The following PIEZO2 variants were observed in gnomAD, a reference collection of about 807,000 sequenced individuals.
The protein encoded by PIEZO2 is piezo-type mechanosensitive ion channel component 2.
Under a neutral mutation model 337.3 loss-of-function variants are expected in PIEZO2, and 172 were observed. That is an observed-to-expected ratio of 0.51 (90% CI 0.45 to 0.58). PIEZO2 has a LOEUF of 0.58. PIEZO2 is among the 20% of genes least tolerant of loss of function. PIEZO2 has a pLI of 0.00. For synonymous variants in PIEZO2, 1,251 were observed against 1,228.5 expected (o/e 1.02, Z -0.38); for missense variants, 3,028 against 3,391.3 (o/e 0.89, Z 2.66).
At chr18:10,753,207 A>C (rs1348275435) in intron 27 of PIEZO2, among the ~76,000 whole-genome samples, 1 of 152,236 alleles carries the variant, frequency 6.6e-6, no homozygotes, top group Non-Finnish European at 1.5e-5. Context: ...TGGCAAAAGA[A>C]ATTCTAAGAT....
At chr18:10,957,137 G>A (rs536202356) in intron 3 of PIEZO2, among the ~76,000 whole-genome samples, 3 of 152,032 alleles carry the variant, frequency 2.0e-5, no homozygotes, top group East Asian at 3.9e-4. Context: ...AGTGGCTCAC[G>A]CCTGTAATCC....
At chr18:10,866,346 C>T (rs1360518482) in intron 5 of PIEZO2, among the ~76,000 whole-genome samples, 2 of 150,082 alleles carry the variant, frequency 1.3e-5, no homozygotes, top group African/African-American at 4.9e-5. Context: ...AGTGCAGTGG[C>T]GTGACCTTGG....
chr18:10,740,244 T>C (rs2037165612), intron 33 of PIEZO2: 1 of 152,342 alleles, frequency 6.6e-6, no homozygotes, highest in Non-Finnish European at 1.5e-5. Context: ...ATATAGCCAC[T>C]GAGTTCCAGA....
chr18:11,102,668 G>C lies in PIEZO2; in HGVS notation c.65-36446C>G, dbSNP rs1477199708. Among the ~76,000 whole-genome samples, 4 of 152,172 alleles carry C rather than the reference G, an allele frequency of 2.6e-5. No individual in the cohort carries two copies. The highest frequency in any genetic ancestry group is 7.2e-5 in the African/African-American group (3 of 41,450). Reference sequence around the variant, plus strand: ...CTTCCCATTGGGCCCCCAGTGATCTGTCTCCAGAGGGAAAGGCACTGCCCC... The same window carrying C: ...CTTCCCATTGGGCCCCCAGTGATCTCTCTCCAGAGGGAAAGGCACTGCCCC... On this transcript the variant is annotated intron_variant, in intron 1 of 55. Transcript: ENST00000674853. The surrounding 1 kb of genome is among the most constrained non-coding windows in gnomAD (Gnocchi z 5.7).
rs754692905 is a variant in PIEZO2 at position 10,863,306 on chromosome 18, C to T, written c.493-6095G>A. Among the ~76,000 whole-genome samples, 1 of 152,290 alleles carries T rather than the reference C, an allele frequency of 6.6e-6. No homozygotes were observed. Among genetic ancestry groups the T allele is most frequent in the Non-Finnish European group, 1.5e-5 (1 of 68,022 alleles). On this transcript the variant is annotated intron_variant, in intron 5 of 55. Transcript: ENST00000674853. The surrounding 1 kb of genome is among the most constrained non-coding windows in gnomAD (Gnocchi z 4.3). ...AAAAAAAGATAGATGTGTTTGAATG[C>T]TATTGTGTGTACCTTATGCAAGCCT...
chr18:10,864,500 T>A (rs780923671), intron 5 of PIEZO2, among the ~76,000 whole-genome samples: 1 of 152,176 alleles, frequency 6.6e-6, no homozygotes, highest in Admixed American at 6.5e-5. Flanking sequence ...GTGATTTTTT[T>A]AAAAAAGGAC....
chr18:10,812,112 C>T lies in PIEZO2; in HGVS notation c.918-4838G>A, dbSNP rs1318543446. Among the ~76,000 whole-genome samples, 8 of 152,182 alleles carry T rather than the reference C, an allele frequency of 5.3e-5. 1 individual carries two copies. The highest frequency in any genetic ancestry group is 5.2e-4 in the Admixed American group (8 of 15,282). ...CTTCCCAAAGTGCTGGGATTACAGG[C>T]GTGAGCCACTGCGCCCGGCCAACAC... On this transcript the variant is annotated intron_variant, in intron 7 of 55. Transcript: ENST00000674853.
rs10164010 is a variant in PIEZO2 at position 10,677,070 on chromosome 18, A to C, written c.8081+677T>G. ...GCCCCAAAATGGGTCCCAATAGCTG[A>C]GGGAGACAGCCACTCTGCAGACTGA... On this transcript the variant is annotated intron_variant, in intron 53 of 55. Transcript: ENST00000674853. This position sits in a 1 kb window ranked among gnomAD's most constrained non-coding sequence, Gnocchi z 4.1. Among the ~76,000 whole-genome samples the C allele has an allele frequency of 0.019, 2,896 of 152,262 alleles. 98 individuals carry two copies. Among genetic ancestry groups the C allele is most frequent in the African/African-American group, 0.064 (2,657 of 41,538 alleles).
chr18:10,726,304 A>G lies in PIEZO2; in HGVS notation c.5029+5103T>C. ...AAGCGTCGCGGCCAGAGCCCCGGCC[A>G]GGTGGAGCAGGTGGGTCCCCGAACG... On this transcript the variant is annotated intron_variant, in intron 36 of 55. Transcript: ENST00000674853. This position sits in a 1 kb window ranked among gnomAD's most constrained non-coding sequence, Gnocchi z 5.9. 9.1e-7 allele frequency: 1 copy of G among 1,097,974 alleles called. No individual in the cohort carries two copies. 68.0% of individuals were successfully genotyped at this position (1,097,974 alleles called of 1,614,324 possible).
In PIEZO2 at chr18:10,707,943, C is replaced by T. The variant is rs75587059; in HGVS notation, c.5588+332G>A. 0.022 allele frequency among the ~76,000 whole-genome samples: 3,401 copies of T among 152,168 alleles called. 56 individuals are homozygous for T. Among genetic ancestry groups the T allele is most frequent in the Middle Eastern group, 0.051 (15 of 294 alleles). On this transcript the variant is annotated intron_variant, in intron 40 of 55. Coordinates refer to ENST00000674853, the MANE Select transcript of PIEZO2 (RefSeq NM_001378183.1). The surrounding 1 kb of genome is among the most constrained non-coding windows in gnomAD (Gnocchi z 4.2). The stretch of plus-strand genomic sequence containing the variant: ...GAGTTCCCCCTTTGAGTAGTGCCCT[C>T]AGAAGCTCTAAATTATGGAGGAAAC...
chr18:10,740,716 G>T, intron 33 of PIEZO2: 1 of 500,194 alleles, frequency 2.0e-6, no homozygotes, highest in South Asian at 2.2e-5. Context: ...CTCGACCTCA[G>T]AATTGGGCAA....
intron 45 of PIEZO2, among the ~76,000 whole-genome samples, chr18:10,697,314 A>C (rs895687798): frequency 6.6e-6 from 1 of 152,086 alleles, no homozygotes; most frequent in Non-Finnish European, 1.5e-5. Context: ...AGGTGGAGGG[A>C]CCTGTGTAGT....
chr18:10,906,068 C>G (rs556708224), intron 4 of PIEZO2, among the ~76,000 whole-genome samples: 1 of 152,074 alleles, frequency 6.6e-6, no homozygotes, highest in South Asian at 2.1e-4. Context: ...ACAGACAGAG[C>G]TATGGAAGGC....
intron 3 of PIEZO2, among the ~76,000 whole-genome samples, chr18:10,977,361 A>G (rs532310243): frequency 6.6e-6 from 1 of 151,984 alleles, no homozygotes; most frequent in South Asian, 2.1e-4. Flanking sequence ...GATGCATCCT[A>G]TAATGAAATA....
At chr18:10,921,870 T>C (rs1432344024) in intron 3 of PIEZO2, among the ~76,000 whole-genome samples, 1 of 152,082 alleles carries the variant, frequency 6.6e-6, no homozygotes, top group Non-Finnish European at 1.5e-5. Flanking sequence ...GTCGAGACTG[T>C]AGGGATGAAA....
chr18:11,057,069 C>T (rs767115735), intron 2 of PIEZO2, among the ~76,000 whole-genome samples: 1 of 151,850 alleles, frequency 6.6e-6, no homozygotes. Context: ...CTGATGGACA[C>T]AGCTGACAGT....
intron 2 of PIEZO2, among the ~76,000 whole-genome samples, chr18:11,025,067 C>A (rs2036488616): frequency 6.6e-6 from 1 of 151,920 alleles, no homozygotes; most frequent in African/African-American, 2.4e-5. Flanking sequence ...CGTCCTCTCT[C>A]TTGAGGGGTG....
rs1040210641 is a variant in PIEZO2, at chr18:11,048,752, C to T, written c.160+17375G>A. Among the ~76,000 whole-genome samples, 3 of 152,194 alleles carry T rather than the reference C, an allele frequency of 2.0e-5. No individual in the cohort carries two copies. The highest frequency in any genetic ancestry group is 4.4e-5 in the Non-Finnish European group (3 of 68,032). The stretch of plus-strand genomic sequence containing the variant: ...AAAACATAAATAATACTATACCTGT[C>T]TCATGGGTATGGAAGCATTAAATGA... On this transcript the variant is annotated intron_variant, in intron 2 of 55. Coordinates refer to ENST00000674853, the MANE Select transcript of PIEZO2 (RefSeq NM_001378183.1). The surrounding 1 kb of genome is among the most constrained non-coding windows in gnomAD (Gnocchi z 4.5).
In PIEZO2 at chr18:10,784,538, C is replaced by G. The variant is rs2039145414; in HGVS notation, c.2492+246G>C. Among the ~76,000 whole-genome samples the G allele has an allele frequency of 6.6e-6, 1 of 152,248 alleles. No individual in the cohort carries two copies. Among genetic ancestry groups the G allele is most frequent in the Admixed American group, 6.5e-5 (1 of 15,290 alleles). On this transcript the variant is annotated intron_variant, in intron 17 of 55. Coordinates refer to ENST00000674853, the MANE Select transcript of PIEZO2 (RefSeq NM_001378183.1). The surrounding 1 kb of genome is among the most constrained non-coding windows in gnomAD (Gnocchi z 4.5). ...AAATATTTAAGTCTCCACAGCTACT[C>G]TGAATATCTCACAAGACGATCAAGA...
Sources: allele counts gnomAD v4.1 joint callset (sites outside exome capture counted in the v4.1 genomes callset), GRCh38; gene constraint gnomAD v4.1.1; non-coding constraint Gnocchi (gnomAD v3.1); transcripts MANE v1.5; gene names NCBI Gene and HGNC (gene_info 2026-07-23, HGNC 2026-07-21).